Variants in GAD2 observed in about 807,000 individuals in gnomAD.
The protein encoded by GAD2 is glutamate decarboxylase 2, also known as 65 kDa glutamic acid decarboxylase.
In GAD2, 22 loss-of-function variants were observed where a neutral mutation model predicts 80.1. The observed-to-expected ratio is 0.27, with a 90% CI of 0.20 to 0.39. The LOEUF (loss-of-function observed/expected upper bound fraction) is 0.39. GAD2 is among the 10% of genes least tolerant of loss of function. The probability of loss-of-function intolerance (pLI) is 1.00; values close to 1 mark genes in which losing one functional copy is unlikely to be tolerated. For synonymous variants in GAD2, 274 were observed against 256.9 expected, an observed-to-expected ratio of 1.07 and a Z score of -0.64; for missense variants, 624 against 738.4, an observed-to-expected ratio of 0.85 and a Z score of 1.80.
chr10:26,233,285 T>C (rs558982722), intron 7 of GAD2, among the ~76,000 whole-genome samples: 1 of 152,238 alleles, frequency 6.6e-6, no homozygotes, highest in Non-Finnish European at 1.5e-5. Flanking sequence ...AGCTTATCAA[T>C]TGACTTAACA....
chr10:26,301,014 A>G lies in GAD2; in HGVS notation c.*53A>G, dbSNP rs923316826. ...TCTCTAGGTAGACAATTAAGTTGTC[A>G]CAAACTGTGTGAATGTATTTGTAGT... On this transcript the variant is annotated 3_prime_UTR_variant, in exon 16 of 16. Transcript: ENST00000376261. 7.7e-6 allele frequency: 11 copies of G among 1,430,238 alleles called. No individual in the cohort carries two copies. The East Asian group carries it at 2.5e-4, about 33-fold the overall frequency. 88.6% of individuals were successfully genotyped at this position (1,430,238 alleles called of 1,614,324 possible).
At chr10:26,274,798 G>T (rs1845179433) in intron 11 of GAD2, among the ~76,000 whole-genome samples, 1 of 152,216 alleles carries the variant, frequency 6.6e-6, no homozygotes. Context: ...GGAGTCAAGA[G>T]CATCCCACCA....
At chr10:26,232,012 C>T (rs75118002) in intron 7 of GAD2, among the ~76,000 whole-genome samples, 9,294 of 152,230 alleles carry the variant, frequency 0.061, 365 homozygotes, top group Non-Finnish European at 0.085. Context: ...AACATATTCA[C>T]GGTGTTGAAG....
At chr10:26,271,171 A>G (rs1456566801) in intron 10 of GAD2, among the ~76,000 whole-genome samples, 1 of 152,196 alleles carries the variant, frequency 6.6e-6, no homozygotes, top group Non-Finnish European at 1.5e-5. Flanking sequence ...AAACAAACAA[A>G]AGCAAAAAAC....
At chr10:26,257,058 G>T (rs1844952896) in intron 8 of GAD2, among the ~76,000 whole-genome samples, 1 of 152,072 alleles carries the variant, frequency 6.6e-6, no homozygotes, top group Non-Finnish European at 1.5e-5. Context: ...TTTATTATCA[G>T]TATGGACTCA....
At chr10:26,227,980 A>G (rs1009898934) in intron 6 of GAD2, among the ~76,000 whole-genome samples, 1 of 152,216 alleles carries the variant, frequency 6.6e-6, no homozygotes, top group Admixed American at 6.5e-5. Flanking sequence ...GCCTGCTTGA[A>G]TCAGAGCCCA....
At chr10:26,272,759 G>A (rs899085762) in intron 10 of GAD2, among the ~76,000 whole-genome samples, 2 of 152,274 alleles carry the variant, frequency 1.3e-5, no homozygotes, top group East Asian at 3.9e-4. Flanking sequence ...AGCTACTTGG[G>A]AGGCTGAGGC....
intron 8 of GAD2, 148 bp from the exon 9 acceptor site, chr10:26,268,971 T>C: frequency 1.8e-6 from 1 of 541,280 alleles, no homozygotes. Context: ...AGTAAATGCA[T>C]CCTTCCTGGA....
At chr10:26,258,779 A>G (rs908355554) in intron 8 of GAD2, among the ~76,000 whole-genome samples, 2 of 150,428 alleles carry the variant, frequency 1.3e-5, no homozygotes, top group Non-Finnish European at 3.0e-5. Context: ...CCGTTCATCC[A>G]TTTATGCGTA....
At chr10:26,271,237 C>T (rs1845133916) in intron 10 of GAD2, among the ~76,000 whole-genome samples, 1 of 152,116 alleles carries the variant, frequency 6.6e-6, no homozygotes, top group Admixed American at 6.5e-5. Flanking sequence ...TTGACAACTT[C>T]CTGGGAAATA....
At chr10:26,247,258 A>G (rs916668958) in intron 8 of GAD2, among the ~76,000 whole-genome samples, 1 of 152,184 alleles carries the variant, frequency 6.6e-6, no homozygotes, top group Non-Finnish European at 1.5e-5. Flanking sequence ...GTAAACTGTC[A>G]TAGTGCTGGT....
chr10:26,238,689 G>A (rs567702718), intron 7 of GAD2, among the ~76,000 whole-genome samples: 2 of 152,260 alleles, frequency 1.3e-5, no homozygotes, highest in East Asian at 3.9e-4. Context: ...AAATGTGTCT[G>A]GGAGGTCCCC....
intron 4 of GAD2, among the ~76,000 whole-genome samples, chr10:26,220,007 G>A (rs1430565450): frequency 6.6e-6 from 1 of 152,126 alleles, no homozygotes; most frequent in African/African-American, 2.4e-5. Context: ...GCTTTTCACA[G>A]GAGTCTTTAT....
At chr10:26,265,205 C>CT (rs66464746) in intron 8 of GAD2, among the ~76,000 whole-genome samples, 2,509 of 137,006 alleles carry the variant, frequency 0.018, 59 homozygotes, top group African/African-American at 0.057. Flanking sequence ...CATCATACGA[C>CT]TTTTTTTTTT....
chr10:26,271,147 A>G (rs1432585080), intron 10 of GAD2, among the ~76,000 whole-genome samples: 1 of 152,190 alleles, frequency 6.6e-6, no homozygotes, highest in Non-Finnish European at 1.5e-5. Flanking sequence ...TATGTAGGAA[A>G]CCCAGAGAAT....
At chr10:26,300,001 T>C (rs1038506694) in intron 15 of GAD2, among the ~76,000 whole-genome samples, 1 of 152,172 alleles carries the variant, frequency 6.6e-6, no homozygotes, top group African/African-American at 2.4e-5. Context: ...AAAGGAGTCT[T>C]GTCAGAGTTG....
At position 26,301,008 on chromosome 10, in the gene GAD2, G is replaced by A. The variant is rs749527208; in HGVS notation, c.*47G>A. On this transcript the variant is annotated 3_prime_UTR_variant, in exon 16 of 16. Transcript: ENST00000376261. ...TCCACTTCTCTAGGTAGACAATTAA[G>A]TTGTCACAAACTGTGTGAATGTATT... 1 of 1,481,304 alleles carries A rather than the reference G, an allele frequency of 6.8e-7. No homozygotes were observed. The highest frequency in any genetic ancestry group is 1.1e-5 in the South Asian group (1 of 87,868). 91.8% of individuals were successfully genotyped at this position (1,481,304 alleles called of 1,614,324 possible).
Position 26,300,979 on chromosome 10 carries a change from C to A in GAD2, c.*18C>A. 6.2e-7 allele frequency: 1 copy of A among 1,601,462 alleles called. No homozygotes were observed. Among genetic ancestry groups the A allele is most frequent in the Non-Finnish European group, 8.6e-7 (1 of 1,169,010 alleles). ...ATTTATAATAACCTTGCTCACCAAG[C>A]TGTTCCACTTCTCTAGGTAGACAAT... On this transcript the variant is annotated 3_prime_UTR_variant, in exon 16 of 16. Coordinates refer to ENST00000376261, the MANE Select transcript of GAD2 (RefSeq NM_001134366.2).
chr10:26,252,483 C>T (rs1260684793), intron 8 of GAD2, among the ~76,000 whole-genome samples: 2 of 152,196 alleles, frequency 1.3e-5, no homozygotes, highest in East Asian at 3.9e-4. Flanking sequence ...GCTGGAATTA[C>T]AGGTGTGTGC....
Sources: gnomAD v4.1 joint callset for allele counts (sites outside exome capture counted in the v4.1 genomes callset) on GRCh38, gnomAD v4.1.1 for gene constraint, MANE v1.5 for transcripts, NCBI Gene and HGNC (gene_info 2026-07-23, HGNC 2026-07-21) for gene names.